The following AIG1 variants were observed in gnomAD, a reference collection of about 807,000 sequenced individuals.
The protein encoded by AIG1 is androgen induced 1, also known as androgen-induced gene 1 protein.
Under a neutral mutation model 31.4 loss-of-function variants are expected in AIG1, and 23 were observed. That is an observed-to-expected ratio of 0.73 (90% CI 0.53 to 1.04). The LOEUF (loss-of-function observed/expected upper bound fraction) is 1.04, where lower values mean the gene tolerates loss of function less well. Ranked by LOEUF, AIG1 falls within the 50% of genes least tolerant of loss-of-function variation. AIG1 has a pLI of 0.00. For synonymous variants in AIG1, 100 were observed against 110.5 expected (o/e 0.90, Z 0.60); for missense variants, 274 against 295.0 (o/e 0.93, Z 0.52).
At chr6:143,278,500 G>T (rs1411821075) in intron 3 of AIG1, among the ~76,000 whole-genome samples, 3 of 138,794 alleles carry the variant, frequency 2.2e-5, no homozygotes, top group Non-Finnish European at 4.5e-5. Flanking sequence ...ACTGAGTCTC[G>T]CTCTGTCACC....
chr6:143,062,269 GCACATA>G (rs1172239230), intron 1 of AIG1, among the ~76,000 whole-genome samples: 1 of 152,166 alleles, frequency 6.6e-6, no homozygotes, highest in Non-Finnish European at 1.5e-5. Context: ...TCCAAACTGT[GCACATA>G]CCCTTAGGCC....
At position 143,166,752 on chromosome 6, in the gene AIG1, A is replaced by G. The variant is rs146162542; in HGVS notation, c.399+1569A>G. On this transcript the variant is annotated intron_variant, in intron 3 of 5. Coordinates refer to ENST00000357847, the MANE Select transcript of AIG1 (RefSeq NM_016108.4). Reference sequence around the variant, plus strand: ...TTATTTTTTTTGTGCCAGGCACTCTACAGTGATTGTATCATTAAATTTTCA... The same window carrying G: ...TTATTTTTTTTGTGCCAGGCACTCTGCAGTGATTGTATCATTAAATTTTCA... Among the ~76,000 whole-genome samples the G allele has an allele frequency of 1.2e-3, 190 of 152,324 alleles. 3 individuals are homozygous for G. Among genetic ancestry groups the G allele is most frequent in the African/African-American group, 4.4e-3 (184 of 41,582 alleles).
chr6:143,083,986 C>T (rs185107489), intron 1 of AIG1, among the ~76,000 whole-genome samples: 102 of 152,272 alleles, frequency 6.7e-4, no homozygotes, highest in Non-Finnish European at 1.8e-4. Flanking sequence ...GAGTAAAGTT[C>T]CCCAGTTACA....
intron 3 of AIG1, among the ~76,000 whole-genome samples, chr6:143,216,984 A>G (rs181638233): frequency 6.1e-4 from 93 of 152,378 alleles, no homozygotes; most frequent in Non-Finnish European, 1.1e-3. Context: ...ACAGGGTTCT[A>G]TGACTAGTTA....
chr6:143,117,015 T>C (rs1288430238), intron 1 of AIG1, among the ~76,000 whole-genome samples: 1 of 152,030 alleles, frequency 6.6e-6, no homozygotes, highest in African/African-American at 2.4e-5. Flanking sequence ...ATTCCCTAGC[T>C]CAGAACACAC....
At position 143,333,592 on chromosome 6, in the gene AIG1, A is replaced by G; in HGVS notation, c.679+147A>G. On this transcript the variant is annotated intron_variant, in intron 5 of 5. Coordinates refer to ENST00000357847, the MANE Select transcript of AIG1 (RefSeq NM_016108.4). This position sits in a 1 kb window ranked among gnomAD's most constrained non-coding sequence, Gnocchi z 4.6. ...AGAGCTCCATTTTTAAAACTACAAT[A>G]TGAATTTAAGAGCTGCTGACAGTTA... The G allele has an allele frequency of 1.3e-6, 1 of 786,286 alleles. No individual in the cohort carries two copies. The highest frequency in any genetic ancestry group is 1.8e-6 in the Non-Finnish European group (1 of 545,940). The allele number at this position is 786,286 out of a possible 1,614,324, so 48.7% of individuals were successfully genotyped here.
At chr6:143,179,317 A>G (rs1788501500) in intron 3 of AIG1, among the ~76,000 whole-genome samples, 2 of 152,262 alleles carry the variant, frequency 1.3e-5, no homozygotes, top group African/African-American at 2.4e-5. Flanking sequence ...TATAATTAAA[A>G]GAATTCCAAG....
chr6:143,075,530 T>G (rs1481408001), intron 1 of AIG1, among the ~76,000 whole-genome samples: 1 of 152,126 alleles, frequency 6.6e-6, no homozygotes, highest in Non-Finnish European at 1.5e-5. Context: ...GGTCTTGAAC[T>G]CCTAGGCTCA....
chr6:143,219,956 T>A (rs180713968), intron 3 of AIG1, among the ~76,000 whole-genome samples: 3 of 152,302 alleles, frequency 2.0e-5, no homozygotes, highest in Admixed American at 6.5e-5. Flanking sequence ...ATGACCCAAC[T>A]GTTCTTTTTG....
intron 3 of AIG1, among the ~76,000 whole-genome samples, chr6:143,228,523 C>CTACA (rs1308106497): frequency 2.0e-5 from 3 of 152,268 alleles, no homozygotes; most frequent in Non-Finnish European, 2.9e-5. Flanking sequence ...CTAGGAGAGT[C>CTACA]TACAGGCAGG....
At chr6:143,121,149 G>A (rs1209164512) in intron 1 of AIG1, among the ~76,000 whole-genome samples, 1 of 152,148 alleles carries the variant, frequency 6.6e-6, no homozygotes, top group Non-Finnish European at 1.5e-5. Context: ...CTCTGTTTGA[G>A]GCTCTCTGCT....
chr6:143,333,480 A>T lies in AIG1; in HGVS notation c.679+35A>T. ...GTCTGAGGGAACATAAAACAAGAGAATTACTGCCGGCAACAGTCTATGCAG... is the reference window on the plus strand; with the variant it reads ...GTCTGAGGGAACATAAAACAAGAGATTTACTGCCGGCAACAGTCTATGCAG... On this transcript the variant is annotated intron_variant, in intron 5 of 5. Coordinates refer to ENST00000357847, the MANE Select transcript of AIG1 (RefSeq NM_016108.4). This position sits in a 1 kb window ranked among gnomAD's most constrained non-coding sequence, Gnocchi z 4.6. 1 of 1,605,048 alleles carries T rather than the reference A, an allele frequency of 6.2e-7. No homozygotes were observed. The highest frequency in any genetic ancestry group is 8.5e-7 in the Non-Finnish European group (1 of 1,175,454).
chr6:143,270,922 G>GTGCT (rs1010667960), intron 3 of AIG1, among the ~76,000 whole-genome samples: 4 of 152,120 alleles, frequency 2.6e-5, no homozygotes, highest in Non-Finnish European at 2.9e-5. Flanking sequence ...TGCATGTCGT[G>GTGCT]TGCTTGCGTA....
In AIG1 at chr6:143,096,052, G is replaced by A. The variant is rs139770826; in HGVS notation, c.141+34986G>A. On this transcript the variant is annotated intron_variant, in intron 1 of 5. Transcript: ENST00000357847. Reference sequence around the variant, plus strand: ...CTCCCGAGTAGCTGGGACTACAGGCGTGTGCCACCATGCCCGGGTAATTTT... The same window carrying A: ...CTCCCGAGTAGCTGGGACTACAGGCATGTGCCACCATGCCCGGGTAATTTT... Among the ~76,000 whole-genome samples the A allele has an allele frequency of 9.6e-3, 1,453 of 151,828 alleles. 17 individuals are homozygous for A. Among genetic ancestry groups the A allele is most frequent in the African/African-American group, 0.026 (1,096 of 41,398 alleles).
intron 1 of AIG1, among the ~76,000 whole-genome samples, chr6:143,076,054 G>T (rs1335954239): frequency 6.6e-6 from 1 of 152,190 alleles, no homozygotes; most frequent in African/African-American, 2.4e-5. Flanking sequence ...TTAGTAAGTG[G>T]AGTGTTTCTT....
At chr6:143,115,834 T>C (rs751523737) in intron 1 of AIG1, among the ~76,000 whole-genome samples, 2 of 152,184 alleles carry the variant, frequency 1.3e-5, no homozygotes, top group Non-Finnish European at 2.9e-5. Flanking sequence ...AGTAGTAGAG[T>C]TCCCGACAGG....
intron 3 of AIG1, among the ~76,000 whole-genome samples, chr6:143,166,070 A>G (rs1786912975): frequency 6.6e-6 from 1 of 152,188 alleles, no homozygotes; most frequent in African/African-American, 2.4e-5. Context: ...GTACAAAATA[A>G]CAGTTTCCCT....
chr6:143,325,000 A>G (rs1476253606), intron 4 of AIG1, among the ~76,000 whole-genome samples: 2 of 152,188 alleles, frequency 1.3e-5, no homozygotes, highest in African/African-American at 4.8e-5. Flanking sequence ...AACTGACTAT[A>G]TATCATTTAT....
At chr6:143,157,280 C>T (rs1455579423) in intron 2 of AIG1, among the ~76,000 whole-genome samples, 1 of 152,236 alleles carries the variant, frequency 6.6e-6, no homozygotes, top group Non-Finnish European at 1.5e-5. Context: ...GGGCCAGGCT[C>T]CTCTGGCTTA....
Sources: allele counts gnomAD v4.1 joint callset (sites outside exome capture counted in the v4.1 genomes callset), GRCh38; gene constraint gnomAD v4.1.1; non-coding constraint Gnocchi (gnomAD v3.1); transcripts MANE v1.5; gene names NCBI Gene and HGNC (gene_info 2026-07-23, HGNC 2026-07-21).